The following DNAH6 variants were observed in gnomAD, a reference collection of about 807,000 sequenced individuals.
DNAH6 encodes axonemal beta dynein heavy chain 6.
Under a neutral mutation model 491.4 loss-of-function variants are expected in DNAH6, and 340 were observed. The ratio of observed to expected loss-of-function variants is 0.69; its 90% CI spans 0.63 to 0.76. DNAH6 has a LOEUF of 0.76. DNAH6 is among the 30% of genes least tolerant of loss of function. The pLI, the probability that DNAH6 is intolerant of heterozygous loss-of-function variation, is 0.00. For synonymous variants in DNAH6, 1,603 were observed against 1,686.1 expected (o/e 0.95, Z 1.21); for missense variants, 4,443 against 4,972.2 (o/e 0.89, Z 3.20).
rs1170412283 is a variant in DNAH6 at position 84,548,305 on chromosome 2, A to T, written c.1204A>T (p.Ser402Cys). ...ATTCTTAGATTATCATAAAGTGCAG[A>T]GCAGTGGAAGTTTCATTAATACACC... The part of the protein sequence containing the change: ...GPFEDYHKVQ[S>C]SGSFINTPHE... The change falls in exon 8 of 77, where the codon AGC becomes TGC. Residue 402 changes from serine (S) to cysteine (C), a missense_variant. By Grantham distance (112) the Ser-to-Cys change is moderately radical. Transcript: ENST00000389394. 2 of 1,613,574 alleles carry T rather than the reference A, an allele frequency of 1.2e-6. No homozygotes were observed. Among genetic ancestry groups the T allele is most frequent in the African/African-American group, 2.7e-5 (2 of 74,902 alleles).
At chr2:84,674,175 A>G (rs544994422) in intron 40 of DNAH6, among the ~76,000 whole-genome samples, 1 of 152,332 alleles carries the variant, frequency 6.6e-6, no homozygotes, top group South Asian at 2.1e-4. Flanking sequence ...TCCCTACAAG[A>G]TGGATAATGC....
chr2:84,648,524 A>C (rs1173027751), intron 33 of DNAH6, among the ~76,000 whole-genome samples: 1 of 152,252 alleles, frequency 6.6e-6, no homozygotes, highest in Non-Finnish European at 1.5e-5. Flanking sequence ...CAACATTAAT[A>C]AGAGTTTGGA....
chr2:84,780,345 T>C (rs1676561778), intron 64 of DNAH6, among the ~76,000 whole-genome samples: 1 of 152,204 alleles, frequency 6.6e-6, no homozygotes, highest in Non-Finnish European at 1.5e-5. Flanking sequence ...AATTCTTTTT[T>C]CTTTATTTTT....
intron 2 of DNAH6, 49 bp from the exon 3 acceptor site, chr2:84,525,516 G>A (rs1676529429): frequency 6.7e-7 from 1 of 1,501,118 alleles, no homozygotes; most frequent in Non-Finnish European, 8.9e-7. Flanking sequence ...AATAAAACAA[G>A]TTTATACGAA....
intron 56 of DNAH6, among the ~76,000 whole-genome samples, chr2:84,711,362 G>A (rs1379401430): frequency 2.6e-5 from 4 of 152,140 alleles, no homozygotes; most frequent in Non-Finnish European, 4.4e-5. Context: ...AAGAACAAGC[G>A]AGCCAAAACA....
chr2:84,688,518 T>C lies in DNAH6; in HGVS notation c.7217T>C (p.Leu2406Pro), dbSNP rs1213797795. 3 of 1,543,426 alleles carry C rather than the reference T, an allele frequency of 1.9e-6. No individual in the cohort carries two copies. The highest frequency in any genetic ancestry group is 1.4e-5 in the African/African-American group (1 of 72,652). ...ACTGCAAATGTTCTACAGGACTATC[T>C]TGATGATTATAATCTCACAAATCCC... ...EKTANVLQDYLDDYNLTNPKE... is the reference protein window; with the variant it reads ...EKTANVLQDYPDDYNLTNPKE... The change falls in exon 45 of 77, where the codon CTT becomes CCT. Residue 2406 changes from leucine (L) to proline (P), a missense_variant. Leu to Pro is a moderately conservative substitution (Grantham distance 98, BLOSUM62 -3). This residue lies in a region of DNAH6 where 2,977 missense variants were observed against 3,296.6 expected (regional missense o/e 0.90). Transcript: ENST00000389394.
chr2:84,801,269 G>GAAAA (rs548174516), intron 70 of DNAH6, among the ~76,000 whole-genome samples: 1 of 110,498 alleles, frequency 9.0e-6, no homozygotes. Context: ...AAAAGAAAAA[G>GAAAA]AAAAAAAAAA....
chr2:84,810,667 G>C (rs1273434705), intron 72 of DNAH6, among the ~76,000 whole-genome samples: 1 of 152,178 alleles, frequency 6.6e-6, no homozygotes, highest in Admixed American at 6.5e-5. Context: ...GTGGCAATAA[G>C]AAAGCCAGGG....
At chr2:84,623,387 C>A (rs990085833) in intron 26 of DNAH6, among the ~76,000 whole-genome samples, 16 of 152,144 alleles carry the variant, frequency 1.1e-4, no homozygotes, top group African/African-American at 3.1e-4. Context: ...AAATTCAATT[C>A]TACTTCCAAG....
the DNAH6 span, among the ~76,000 whole-genome samples, chr2:84,474,061 A>C: frequency 6.6e-6 from 1 of 152,136 alleles, no homozygotes; most frequent in African/African-American, 2.4e-5. Flanking sequence ...CAGTAAAAGC[A>C]AATTTTTCAT....
intron 68 of DNAH6, among the ~76,000 whole-genome samples, chr2:84,789,481 C>A (rs1211927392): frequency 1.3e-5 from 2 of 152,188 alleles, no homozygotes. Context: ...TGGAACATGG[C>A]TTTACCAGTA....
In DNAH6 at chr2:84,637,281, T is replaced by A. The variant is rs1688974973; in HGVS notation, c.4725T>A (p.Asn1575Lys). 19 of 1,551,344 alleles carry A rather than the reference T, an allele frequency of 1.2e-5. No homozygotes were observed. Among genetic ancestry groups the A allele is most frequent in the Non-Finnish European group, 1.5e-5 (17 of 1,146,732 alleles). Reference sequence around the variant, plus strand: ...CTTGTGCAGCCTTCATCACAATGAATCCTGGCTATGCAGGGAGAACTGAAT... The same window carrying A: ...CTTGTGCAGCCTTCATCACAATGAAACCTGGCTATGCAGGGAGAACTGAAT... The part of the protein sequence containing the change: ...VMTCAAFITM[N>K]PGYAGRTELP... The change falls in exon 31 of 77, where the codon AAT becomes AAA. Residue 1575 changes from asparagine to lysine, a missense_variant. Around this residue, in one of 3 missense-constraint regions of DNAH6, gnomAD observed 2,977 missense variants for 3,296.6 expected, o/e 0.90. Coordinates refer to ENST00000389394, the MANE Select transcript of DNAH6 (RefSeq NM_001370.2).
the DNAH6 span, among the ~76,000 whole-genome samples, chr2:84,460,772 G>A: frequency 6.6e-6 from 1 of 152,190 alleles, no homozygotes; most frequent in Non-Finnish European, 1.5e-5. Context: ...CCCTGTGGCA[G>A]ACCAGGTCTC....
At chr2:84,674,645 T>A (rs1447080661) in intron 40 of DNAH6, among the ~76,000 whole-genome samples, 1 of 152,204 alleles carries the variant, frequency 6.6e-6, no homozygotes, top group African/African-American at 2.4e-5. Context: ...CTTTTGCATA[T>A]AAGGCTTTTT....
At chr2:84,506,765 A>G in the DNAH6 span, among the ~76,000 whole-genome samples, 8 of 152,314 alleles carry the variant, frequency 5.3e-5, no homozygotes, top group South Asian at 6.2e-4. Flanking sequence ...GAAGGGATCC[A>G]GTTTCAGCTT....
At chr2:84,700,856 T>C (rs555633453) in intron 48 of DNAH6, among the ~76,000 whole-genome samples, 2 of 152,274 alleles carry the variant, frequency 1.3e-5, no homozygotes, top group Admixed American at 6.5e-5. Context: ...AAATATGTAT[T>C]GAGCAACTTC....
At chr2:84,697,857 A>G (rs1695539469) in intron 47 of DNAH6, 130 bp downstream of exon 47, 1 of 949,400 alleles carries the variant, frequency 1.1e-6, no homozygotes, top group Admixed American at 2.5e-5. Flanking sequence ...TTTCCTTTGT[A>G]TTCGATGTAT....
At chr2:84,661,434 A>G in intron 37 of DNAH6, among the ~76,000 whole-genome samples, 1 of 152,160 alleles carries the variant, frequency 6.6e-6, no homozygotes, top group Non-Finnish European at 1.5e-5. Context: ...ATATGTAGAA[A>G]TACCTAAAAA....
Position 84,701,249 on chromosome 2 carries a change from C to T in DNAH6, c.7971C>T (p.Arg2657=), listed in dbSNP as rs1278496347. 6.4e-7 allele frequency: 1 copy of T among 1,551,788 alleles called. No individual in the cohort carries two copies. Among genetic ancestry groups the T allele is most frequent in the Non-Finnish European group, 8.7e-7 (1 of 1,147,020 alleles). ...CAGAGCGCTATTACAATGAGCTGCG[C>T]AGGCGGTACTACACGACACCCACCT... is the stretch of plus-strand genomic sequence containing the variant. ...SMAERYYNEL[R]RRYYTTPTSY... is the part of the protein sequence containing the mutation. Residue 2657 remains arginine, a synonymous_variant, in exon 49 of 77, where the codon CGC becomes CGT. Coordinates refer to ENST00000389394, the MANE Select transcript of DNAH6 (RefSeq NM_001370.2).
Sources: gnomAD v4.1 joint callset for allele counts (sites outside exome capture counted in the v4.1 genomes callset) on GRCh38, gnomAD v4.1.1 for gene constraint, gnomAD v4.1.1 regional missense constraint, MANE v1.5 for transcripts, NCBI Gene and HGNC (gene_info 2026-07-23, HGNC 2026-07-21) for gene names.